TIMP2: variants seen among roughly 807,000 people sequenced by gnomAD.
TIMP2 encodes the protein TIMP metallopeptidase inhibitor 2.
TIMP2 carries 5 observed loss-of-function variants against 24.3 expected under a neutral mutation model. The ratio of observed to expected loss-of-function variants is 0.21; its 90% CI spans 0.11 to 0.43. The LOEUF (loss-of-function observed/expected upper bound fraction) is 0.43. TIMP2 is among the 20% of genes least tolerant of loss of function. The pLI, the probability that TIMP2 is intolerant of heterozygous loss-of-function variation, is 1.00. For synonymous variants in TIMP2, 130 were observed against 123.2 expected (o/e 1.06, Z -0.37); for missense variants, 221 against 297.5 (o/e 0.74, Z 1.89).
chr17:78,855,948 C>G lies in TIMP2; in HGVS notation c.466-84G>C. 4.4e-6 allele frequency: 6 copies of G among 1,377,330 alleles called. No individual in the cohort carries two copies. Among genetic ancestry groups the G allele is most frequent in the Non-Finnish European group, 6.2e-6 (6 of 974,988 alleles). The allele number at this position is 1,377,330 out of a possible 1,614,324, so 85.3% of individuals were successfully genotyped here. A position where few individuals can be genotyped will look rare whatever the true frequency, so the allele number is the denominator to read the frequency against. ...GCTGCTCTGGGGGCATGTCCAGAAC[C>G]CGGCAATGTGCCTACCTGTCATGTG... On this transcript the variant is annotated intron_variant, in intron 4 of 4. Transcript: ENST00000262768. The surrounding 1 kb of genome is among the most constrained non-coding windows in gnomAD (Gnocchi z 6.0).
chr17:78,868,391 C>G (rs1172109384), intron 3 of TIMP2, among the ~76,000 whole-genome samples: 3 of 152,142 alleles, frequency 2.0e-5, no homozygotes, highest in Admixed American at 6.6e-5. Context: ...GCTGGGACTA[C>G]AGGCACTTGC....
At chr17:78,919,535 C>T (rs533265616) in intron 1 of TIMP2, among the ~76,000 whole-genome samples, 237 of 152,244 alleles carry the variant, frequency 1.6e-3, no homozygotes, top group African/African-American at 5.1e-3. Context: ...CTGCCCTCCC[C>T]TCTTGAAAAA....
chr17:78,911,675 C>T (rs2015742011), intron 1 of TIMP2, among the ~76,000 whole-genome samples: 1 of 151,944 alleles, frequency 6.6e-6, no homozygotes, highest in South Asian at 2.1e-4. Flanking sequence ...AAGTGATCCG[C>T]CCACCTTGGC....
chr17:78,921,510 G>T (rs1159330421), intron 1 of TIMP2, among the ~76,000 whole-genome samples: 1 of 152,228 alleles, frequency 6.6e-6, no homozygotes, highest in Non-Finnish European at 1.5e-5. Context: ...AGTCTGCCAA[G>T]TAGCTCAGCT....
At chr17:78,883,897 C>G (rs1037444279) in intron 1 of TIMP2, among the ~76,000 whole-genome samples, 2 of 152,256 alleles carry the variant, frequency 1.3e-5, no homozygotes, top group African/African-American at 4.8e-5. Flanking sequence ...CTCCCTTTCC[C>G]TGGTGGGCCA....
At chr17:78,870,360 A>G (rs1369435523) in intron 3 of TIMP2, among the ~76,000 whole-genome samples, 2 of 151,240 alleles carry the variant, frequency 1.3e-5, no homozygotes, top group Non-Finnish European at 2.9e-5. Context: ...AGGTTGCAGT[A>G]AGCCAAGATC....
chr17:78,907,831 C>T (rs2070174739), intron 1 of TIMP2, among the ~76,000 whole-genome samples: 1 of 152,160 alleles, frequency 6.6e-6, no homozygotes, highest in Admixed American at 6.6e-5. Context: ...TCTAATGTCC[C>T]CTCATGTGTC....
Position 78,891,959 on chromosome 17 carries a change from T to C in TIMP2, c.131-18040A>G, listed in dbSNP as rs8077028. On this transcript the variant is annotated intron_variant, in intron 1 of 4. Transcript: ENST00000262768. The surrounding 1 kb of genome is among the most constrained non-coding windows in gnomAD (Gnocchi z 4.5). ...CCTGGGGTGTTGCTGGCCCAACTCT[T>C]CCCTGCAACTCCTCTCTTCACTAAG... 0.015 allele frequency: 23,931 copies of C among 1,550,494 alleles called. 2,668 individuals carry two copies. The African/African-American group carries it at 0.26, about 17-fold the overall frequency.
chr17:78,921,574 T>G (rs188183619), intron 1 of TIMP2, among the ~76,000 whole-genome samples: 155 of 152,268 alleles, frequency 1.0e-3, no homozygotes, highest in African/African-American at 3.4e-3. Context: ...AAAGCTAATT[T>G]CCAGCCAGAT....
Position 78,917,251 on chromosome 17 carries a change from CAAAA to C in TIMP2, c.130+7704_130+7707del, listed in dbSNP as rs10592875. Among the ~76,000 whole-genome samples, 178 of 77,424 alleles carry C rather than the reference CAAAA, an allele frequency of 2.3e-3. 1 individual carries two copies. Among genetic ancestry groups the C allele is most frequent in the African/African-American group, 9.2e-3 (165 of 17,874 alleles). The allele number at this position is 77,424 out of a possible 152,430, so 50.8% of individuals were successfully genotyped here. The stretch of plus-strand genomic sequence containing the variant: ...TGGGCGACAGAGCGAGACTCCGTCT[CAAAA>C]AAAAAAAAAAAAAAAAATACAAAAA... On this transcript the variant is annotated intron_variant, in intron 1 of 4. Transcript: ENST00000262768.
intron 1 of TIMP2, among the ~76,000 whole-genome samples, chr17:78,878,876 C>T (rs940187632): frequency 2.6e-5 from 4 of 152,092 alleles, no homozygotes; most frequent in Admixed American, 2.0e-4. Flanking sequence ...CACCTCCTCC[C>T]CCACTTTGCA....
intron 1 of TIMP2, among the ~76,000 whole-genome samples, chr17:78,922,015 G>A (rs2070311502): frequency 6.6e-6 from 1 of 152,148 alleles, no homozygotes; most frequent in East Asian, 1.9e-4. Context: ...AACCTCCACT[G>A]TACCCCCTTT....
At chr17:78,889,807 C>CA (rs1200646780) in intron 1 of TIMP2, among the ~76,000 whole-genome samples, 2 of 152,144 alleles carry the variant, frequency 1.3e-5, no homozygotes, top group Non-Finnish European at 2.9e-5. Context: ...GGTGGTTTCC[C>CA]AAAAGGGACT....
intron 1 of TIMP2, among the ~76,000 whole-genome samples, chr17:78,875,484 G>GAGTT (rs2069720715): frequency 6.6e-6 from 1 of 152,192 alleles, no homozygotes; most frequent in South Asian, 2.1e-4. Flanking sequence ...GTAACCTGAG[G>GAGTT]ACAAGCAGAT....
At chr17:78,879,916 C>G (rs1266614557) in intron 1 of TIMP2, among the ~76,000 whole-genome samples, 2 of 151,698 alleles carry the variant, frequency 1.3e-5, no homozygotes, top group Non-Finnish European at 2.9e-5. Flanking sequence ...AGAGTGGGGA[C>G]GGAAAAGAAC....
chr17:78,901,900 A>C, intron 1 of TIMP2: 1 of 637,056 alleles, frequency 1.6e-6, no homozygotes, highest in South Asian at 1.7e-5. Flanking sequence ...CACTGGGCTG[A>C]CTTTGTAGGT....
chr17:78,867,590 CCTT>C (rs1222743691), intron 3 of TIMP2, among the ~76,000 whole-genome samples: 10 of 146,334 alleles, frequency 6.8e-5, no homozygotes, highest in African/African-American at 2.4e-4. Context: ...TCCTTTTGTA[CCTT>C]CTTTTTTTTT....
intron 1 of TIMP2, among the ~76,000 whole-genome samples, chr17:78,889,212 C>G (rs1378409789): frequency 6.6e-6 from 1 of 152,182 alleles, no homozygotes; most frequent in Non-Finnish European, 1.5e-5. Context: ...TATGTTGATC[C>G]CTGTGCCTGT....
At position 78,909,327 on chromosome 17, in the gene TIMP2, C is replaced by T. The variant is rs531276484; in HGVS notation, c.130+15632G>A. On this transcript the variant is annotated intron_variant, in intron 1 of 4. Coordinates refer to ENST00000262768, the MANE Select transcript of TIMP2 (RefSeq NM_003255.5). ...CTAGGATCACGCCACTGCACTCCAG[C>T]CTGGGCGACAGAGCAAGACCCTCAT... 2.6e-5 allele frequency among the ~76,000 whole-genome samples: 4 copies of T among 152,032 alleles called. No homozygotes were observed. The East Asian group carries it at 5.8e-4, about 22-fold the overall frequency.
Sources: allele counts gnomAD v4.1 joint callset (sites outside exome capture counted in the v4.1 genomes callset), GRCh38; gene constraint gnomAD v4.1.1; non-coding constraint Gnocchi (gnomAD v3.1); transcripts MANE v1.5; gene names NCBI Gene and HGNC (gene_info 2026-07-23, HGNC 2026-07-21).